ENTREP2: variants seen among roughly 807,000 people sequenced by gnomAD.
The protein encoded by ENTREP2 is endosomal transmembrane epsin interactor 2.
chr15:29,232,519 GTCTCAC>G, the ENTREP2 span, among the ~76,000 whole-genome samples: 1 of 151,432 alleles, frequency 6.6e-6, no homozygotes, highest in East Asian at 1.9e-4. Context: ...GAGATGGGGG[GTCTCAC>G]TCTGTCACCC....
At chr15:29,532,313 C>T in the ENTREP2 span, among the ~76,000 whole-genome samples, 11 of 152,190 alleles carry the variant, frequency 7.2e-5, no homozygotes, top group East Asian at 1.9e-3. Context: ...ACATATTCTG[C>T]ATTAAAATCT....
At chr15:29,126,110 C>T in the ENTREP2 span, among the ~76,000 whole-genome samples, 1 of 152,016 alleles carries the variant, frequency 6.6e-6, no homozygotes, top group Non-Finnish European at 1.5e-5. Context: ...TGCTCCCCAC[C>T]CACCCCTGGC....
At chr15:29,238,810 C>T in the ENTREP2 span, among the ~76,000 whole-genome samples, 3 of 152,202 alleles carry the variant, frequency 2.0e-5, no homozygotes, top group East Asian at 5.8e-4. Context: ...CGAGGTGCTA[C>T]ACACTTTTAA....
chr15:29,412,465 T>C, the ENTREP2 span, among the ~76,000 whole-genome samples: 1 of 152,272 alleles, frequency 6.6e-6, no homozygotes, highest in East Asian at 1.9e-4. Flanking sequence ...TGATTGTAGA[T>C]GGCTTATTCC....
At chr15:29,639,288 A>C in the ENTREP2 span, among the ~76,000 whole-genome samples, 1 of 152,170 alleles carries the variant, frequency 6.6e-6, no homozygotes, top group Non-Finnish European at 1.5e-5. Flanking sequence ...CTCAATCTGA[A>C]AGTCTCTCTG....
chr15:29,543,848 T>G, the ENTREP2 span, among the ~76,000 whole-genome samples: 1 of 151,924 alleles, frequency 6.6e-6, no homozygotes, highest in South Asian at 2.1e-4. Context: ...ATAAAGAAGG[T>G]GATCAACAAA....
At chr15:29,181,829 A>T in the ENTREP2 span, among the ~76,000 whole-genome samples, 3 of 152,204 alleles carry the variant, frequency 2.0e-5, no homozygotes, top group Non-Finnish European at 4.4e-5. Flanking sequence ...GATTCCCTTC[A>T]TCTGGCAAAT....
At chr15:29,476,830 C>T in the ENTREP2 span, among the ~76,000 whole-genome samples, 9 of 152,170 alleles carry the variant, frequency 5.9e-5, no homozygotes, top group Non-Finnish European at 1.0e-4. Context: ...GAGCAGACAG[C>T]GATGCCACCA....
the ENTREP2 span, among the ~76,000 whole-genome samples, chr15:29,152,946 C>A: frequency 1.3e-5 from 2 of 152,172 alleles, no homozygotes; most frequent in Non-Finnish European, 2.9e-5. Context: ...TGATTGCCAA[C>A]ATTTGGTGTC....
chr15:29,628,938 C>G, the ENTREP2 span, among the ~76,000 whole-genome samples: 1 of 152,066 alleles, frequency 6.6e-6, no homozygotes, highest in African/African-American at 2.4e-5. Context: ...TTAGTAGAGA[C>G]AGCATTTCAC....
the ENTREP2 span, among the ~76,000 whole-genome samples, chr15:29,222,529 T>C: frequency 3.9e-5 from 6 of 152,166 alleles, no homozygotes; most frequent in Admixed American, 2.6e-4. Flanking sequence ...CCCTTTTCGG[T>C]AACACTGTCA....
At chr15:29,330,135 G>T in the ENTREP2 span, among the ~76,000 whole-genome samples, 1 of 152,090 alleles carries the variant, frequency 6.6e-6, no homozygotes, top group Admixed American at 6.6e-5. Context: ...TCCCCCTGAT[G>T]TGATGAGATA....
the ENTREP2 span, among the ~76,000 whole-genome samples, chr15:29,507,143 A>C: frequency 6.6e-6 from 1 of 152,208 alleles, no homozygotes; most frequent in South Asian, 2.1e-4. Flanking sequence ...ACCAACAAAA[A>C]TCAAAAAAGA....
At chr15:29,222,409 G>A in the ENTREP2 span, among the ~76,000 whole-genome samples, 2 of 152,168 alleles carry the variant, frequency 1.3e-5, no homozygotes, top group African/African-American at 2.4e-5. Flanking sequence ...CCTATGGAGA[G>A]CCATTCTTTA....
the ENTREP2 span, among the ~76,000 whole-genome samples, chr15:29,357,712 G>T: frequency 1.3e-5 from 2 of 152,098 alleles, no homozygotes; most frequent in African/African-American, 4.8e-5. Flanking sequence ...GGTGGCGGGC[G>T]CCTGTAGTCC....
At chr15:29,440,408 C>T in the ENTREP2 span, among the ~76,000 whole-genome samples, 1 of 152,124 alleles carries the variant, frequency 6.6e-6, no homozygotes, top group Non-Finnish European at 1.5e-5. Context: ...TTCTGCATAT[C>T]ATAGAATAGT....
At chr15:29,548,627 T>C in the ENTREP2 span, among the ~76,000 whole-genome samples, 1 of 152,092 alleles carries the variant, frequency 6.6e-6, no homozygotes, top group Non-Finnish European at 1.5e-5. Flanking sequence ...ACAAGACATA[T>C]TCTAGTAAAA....
chr15:29,461,929 C>T, the ENTREP2 span, among the ~76,000 whole-genome samples: 601 of 152,270 alleles, frequency 3.9e-3, 5 homozygotes, highest in African/African-American at 0.014. Flanking sequence ...CCGTCCCTGG[C>T]AACCACCATT....
At chr15:29,426,762 G>C in the ENTREP2 span, among the ~76,000 whole-genome samples, 10 of 152,224 alleles carry the variant, frequency 6.6e-5, no homozygotes, top group South Asian at 2.1e-3. Context: ...CCATTTCTCT[G>C]TTTCACTGTG....
Sources: allele counts gnomAD v4.1 joint callset (sites outside exome capture counted in the v4.1 genomes callset), GRCh38; gene constraint gnomAD v4.1.1; transcripts MANE v1.5; gene names NCBI Gene and HGNC (gene_info 2026-07-23, HGNC 2026-07-21).